NEBL: variants seen among roughly 807,000 people sequenced by gnomAD.
The protein encoded by NEBL is LIM and SH3 protein 2.
A neutral mutation model predicts 140.2 loss-of-function variants in NEBL; 122 were observed. The observed-to-expected ratio is 0.87, with a 90% CI of 0.75 to 1.01. NEBL has a LOEUF of 1.01. Ranked by LOEUF, NEBL falls within the 50% of genes least tolerant of loss-of-function variation. NEBL has a pLI of 0.00. For synonymous variants in NEBL, 436 were observed against 398.9 expected, an observed-to-expected ratio of 1.09 and a Z score of -1.11; for missense variants, 1,365 against 1,231.3, an observed-to-expected ratio of 1.11 and a Z score of -1.62.
intron 2 of NEBL, among the ~76,000 whole-genome samples, chr10:21,094,849 G>T (rs904361075): frequency 1.3e-5 from 2 of 152,150 alleles, no homozygotes; most frequent in African/African-American, 4.8e-5. Flanking sequence ...GCAATTGGAA[G>T]AATGGCAGTA....
At chr10:21,092,662 T>G (rs993874999) in intron 2 of NEBL, among the ~76,000 whole-genome samples, 1 of 151,268 alleles carries the variant, frequency 6.6e-6, no homozygotes, top group African/African-American at 2.4e-5. Context: ...TGCCAGTTCC[T>G]TTAGTAGCCA....
chr10:21,175,241 A>G (rs1841271138), upstream of NEBL, among the ~76,000 whole-genome samples: 1 of 152,198 alleles, frequency 6.6e-6, no homozygotes, highest in African/African-American at 2.4e-5. Flanking sequence ...CTATGCCTCA[A>G]TTCTTTAATC....
At chr10:20,980,053 A>C (rs552305441) in intron 3 of NEBL, among the ~76,000 whole-genome samples, 32 of 120,096 alleles carry the variant, frequency 2.7e-4, no homozygotes, top group African/African-American at 1.3e-3. Context: ...CATTTCCACA[A>C]AAAAAAAAAA....
intron 2 of NEBL, among the ~76,000 whole-genome samples, chr10:21,068,959 G>A (rs1835692817): frequency 1.3e-5 from 2 of 152,236 alleles, no homozygotes; most frequent in South Asian, 4.1e-4. Flanking sequence ...CAAGATCACG[G>A]CTCACTGCAG....
chr10:20,977,143 A>C (rs1836838107), intron 3 of NEBL, among the ~76,000 whole-genome samples: 1 of 152,162 alleles, frequency 6.6e-6, no homozygotes, highest in Admixed American at 6.5e-5. Context: ...CCTAAATGCC[A>C]GCATCTACCT....
intron 1 of NEBL, among the ~76,000 whole-genome samples, chr10:21,253,455 G>A (rs548420237): frequency 2.8e-4 from 43 of 152,008 alleles, no homozygotes; most frequent in African/African-American, 9.4e-4. Context: ...TATTGGCTTC[G>A]CATGCTGGGA....
At chr10:20,861,607 C>G (rs903682909) in intron 7 of NEBL, among the ~76,000 whole-genome samples, 7 of 152,190 alleles carry the variant, frequency 4.6e-5, no homozygotes, top group African/African-American at 1.4e-4. Flanking sequence ...CTTCAACAGC[C>G]TTCCGCTGGA....
At chr10:20,830,833 G>A (rs1010487120) in intron 16 of NEBL, among the ~76,000 whole-genome samples, 12 of 145,328 alleles carry the variant, frequency 8.3e-5, no homozygotes, top group African/African-American at 1.3e-4. Flanking sequence ...GAGCCCAGGA[G>A]TTTGAGGCTG....
intron 3 of NEBL, among the ~76,000 whole-genome samples, chr10:20,963,001 AAAACACACAC>A (rs917023903): frequency 1.7e-4 from 17 of 100,728 alleles, no homozygotes; most frequent in African/African-American, 7.1e-4. Flanking sequence ...GCTTGAAAGA[AAAACACACAC>A]ACACACACAC....
chr10:21,248,754 TGGC>T (rs1406388483), intron 2 of NEBL, among the ~76,000 whole-genome samples: 1 of 152,192 alleles, frequency 6.6e-6, no homozygotes, highest in African/African-American at 2.4e-5. Flanking sequence ...CCATTTTCCA[TGGC>T]GGCTGCACCA....
chr10:20,969,894 C>T (rs1350869557), intron 3 of NEBL, among the ~76,000 whole-genome samples: 1 of 152,058 alleles, frequency 6.6e-6, no homozygotes, highest in Non-Finnish European at 1.5e-5. Context: ...TTAAAAATTA[C>T]CCCTAAGACA....
intron 25 of NEBL, among the ~76,000 whole-genome samples, chr10:20,809,287 G>T (rs1275591429): frequency 6.6e-6 from 1 of 152,034 alleles, no homozygotes; most frequent in Non-Finnish European, 1.5e-5. Context: ...CTTTAATTAT[G>T]AACTTGCAAT....
intron 2 of NEBL, among the ~76,000 whole-genome samples, chr10:21,027,468 G>A (rs145514868): frequency 2.7e-3 from 416 of 151,912 alleles, no homozygotes; most frequent in Non-Finnish European, 4.8e-3. Context: ...GCTGGGACCA[G>A]AGGCAACTGC....
intron 2 of NEBL, among the ~76,000 whole-genome samples, chr10:21,142,921 A>G (rs1328249808): frequency 6.6e-6 from 1 of 152,158 alleles, no homozygotes; most frequent in Non-Finnish European, 1.5e-5. Context: ...CCTGGTGCCA[A>G]AAAGGTTGGG....
chr10:21,078,179 A>C (rs1836192972), intron 2 of NEBL, among the ~76,000 whole-genome samples: 1 of 152,202 alleles, frequency 6.6e-6, no homozygotes, highest in African/African-American at 2.4e-5. Flanking sequence ...TAGTCCTAAA[A>C]TGAACACAGC....
intron 2 of NEBL, among the ~76,000 whole-genome samples, chr10:21,162,140 G>T (rs570702786): frequency 7.0e-4 from 106 of 152,250 alleles, no homozygotes; most frequent in African/African-American, 2.6e-3. Flanking sequence ...GAGATCCCTG[G>T]TTGATGATTG....
intron 3 of NEBL, among the ~76,000 whole-genome samples, chr10:21,009,977 C>T (rs1262826090): frequency 6.6e-6 from 1 of 152,108 alleles, no homozygotes; most frequent in Non-Finnish European, 1.5e-5. Flanking sequence ...CTCCAAGAGG[C>T]CTTTTCTGAA....
intron 3 of NEBL, among the ~76,000 whole-genome samples, chr10:20,966,308 C>A (rs1214338133): frequency 6.6e-6 from 1 of 152,142 alleles, no homozygotes; most frequent in Non-Finnish European, 1.5e-5. Context: ...AATCAAGAAA[C>A]CTGAATTTAA....
chr10:20,847,479 T>C (rs1190132113), intron 11 of NEBL, among the ~76,000 whole-genome samples: 2 of 152,166 alleles, frequency 1.3e-5, no homozygotes, highest in Non-Finnish European at 1.5e-5. Context: ...AATATATTAA[T>C]CATGAATTAT....
Sources: allele counts gnomAD v4.1 joint callset (sites outside exome capture counted in the v4.1 genomes callset), GRCh38; gene constraint gnomAD v4.1.1; transcripts MANE v1.5; gene names NCBI Gene and HGNC (gene_info 2026-07-23, HGNC 2026-07-21).